The following PCDH15 variants were observed in gnomAD, a reference collection of about 807,000 sequenced individuals.
PCDH15 encodes protocadherin related 15, also known as protocadherin-15.
PCDH15 carries 129 observed loss-of-function variants against 178.5 expected under a neutral mutation model. That is an observed-to-expected ratio of 0.72 (90% CI 0.63 to 0.84). PCDH15 has a LOEUF of 0.84. Ranked by LOEUF, PCDH15 falls within the 40% of genes least tolerant of loss-of-function variation. PCDH15 has a pLI of 0.00. For missense variants in PCDH15, 2,230 were observed against 2,099.9 expected, an observed-to-expected ratio of 1.06 and a Z score of -1.21; for synonymous variants, 800 against 732.0, an observed-to-expected ratio of 1.09 and a Z score of -1.50.
chr10:54,260,896 G>C (rs2057270767), intron 8 of PCDH15, among the ~76,000 whole-genome samples: 2 of 152,184 alleles, frequency 1.3e-5, no homozygotes, highest in Non-Finnish European at 2.9e-5. Context: ...GCCTCCCAAA[G>C]TGTGGGGATT....
At chr10:54,752,402 G>T (rs904063709) in intron 1 of PCDH15, among the ~76,000 whole-genome samples, 1 of 150,714 alleles carries the variant, frequency 6.6e-6, no homozygotes, top group South Asian at 2.1e-4. Flanking sequence ...GCGTGAACCC[G>T]GGAGGCAGAG....
rs559130985 is a variant in PCDH15 at position 53,827,437 on chromosome 10, A to AGGC, written c.4320_4322dup (p.Pro1443dup). ...CTTCATAGAGATGCGCACCTGGCGG[A>AGGC]GGCGGCGGCGGCGGCGGGGGCGCTG... On this transcript the variant is annotated inframe_insertion, in exon 32 of 38. Transcript: ENST00000644397. 3.9e-4 allele frequency: 628 copies of AGGC among 1,612,686 alleles called. 2 individuals carry two copies. Among genetic ancestry groups the AGGC allele is most frequent in the South Asian group, 1.3e-3 (119 of 90,948 alleles).
chr10:55,006,954 C>T (rs888371905), intron 2 of PCDH15, among the ~76,000 whole-genome samples: 3 of 152,086 alleles, frequency 2.0e-5, no homozygotes, highest in South Asian at 4.1e-4. Context: ...TCCTTCATGG[C>T]TTAGTGCTGT....
At chr10:54,281,850 A>G (rs956971217) in intron 8 of PCDH15, among the ~76,000 whole-genome samples, 1 of 152,088 alleles carries the variant, frequency 6.6e-6, no homozygotes, top group Admixed American at 6.6e-5. Context: ...GTACATAACT[A>G]TCAGGCTGTT....
intron 1 of PCDH15, among the ~76,000 whole-genome samples, chr10:55,199,867 G>A (rs1256287496): frequency 1.3e-5 from 2 of 152,064 alleles, no homozygotes; most frequent in Non-Finnish European, 2.9e-5. Context: ...CATGGTGTTG[G>A]GCCTTCGGGT....
intron 2 of PCDH15, among the ~76,000 whole-genome samples, chr10:55,094,516 A>T (rs1344941695): frequency 2.0e-5 from 3 of 152,096 alleles, no homozygotes; most frequent in East Asian, 1.9e-4. Context: ...TGTTATGCAC[A>T]TGTACCCTAG....
intron 8 of PCDH15, among the ~76,000 whole-genome samples, chr10:54,256,480 G>A (rs72799030): frequency 6.6e-6 from 1 of 152,232 alleles, no homozygotes; most frequent in Non-Finnish European, 1.5e-5. Flanking sequence ...TGGTTCTGTA[G>A]GTTTAATTTT....
At chr10:54,372,828 G>A (rs1156560647) in intron 4 of PCDH15, among the ~76,000 whole-genome samples, 2 of 151,752 alleles carry the variant, frequency 1.3e-5, no homozygotes, top group East Asian at 3.9e-4. Context: ...AAAAATGAGT[G>A]CTTAACACAA....
At chr10:54,247,867 C>CAAAA (rs570243081) in intron 8 of PCDH15, among the ~76,000 whole-genome samples, 252 of 122,070 alleles carry the variant, frequency 2.1e-3, no homozygotes, top group African/African-American at 6.6e-3. Flanking sequence ...GACTCTTTCT[C>CAAAA]AAAAAAAAAA....
At chr10:54,664,087 A>T in intron 2 of PCDH15, 85 bp downstream of exon 2, 1 of 986,812 alleles carries the variant, frequency 1.0e-6, no homozygotes, top group Non-Finnish European at 1.6e-6. Flanking sequence ...ACTACAAATT[A>T]GCATTATTCA....
At chr10:55,519,104 A>C (rs936298991) in intron 2 of PCDH15, among the ~76,000 whole-genome samples, 31 of 150,632 alleles carry the variant, frequency 2.1e-4, no homozygotes, top group African/African-American at 6.6e-4. Context: ...AAAAAAAAAA[A>C]AAAAAAAAAA....
At chr10:54,844,801 T>C (rs1456930489) in intron 3 of PCDH15, among the ~76,000 whole-genome samples, 1 of 151,990 alleles carries the variant, frequency 6.6e-6, no homozygotes, top group Non-Finnish European at 1.5e-5. Flanking sequence ...ATTTCCACTA[T>C]GAATTTGATG....
chr10:53,907,878 A>G (rs2082789556), intron 25 of PCDH15, among the ~76,000 whole-genome samples: 1 of 152,130 alleles, frequency 6.6e-6, no homozygotes, highest in Non-Finnish European at 1.5e-5. Context: ...ATTAACCTCA[A>G]CTTGACTCTA....
rs550364392 is a variant in PCDH15 at position 55,599,559 on chromosome 10, A to C, written c.-156+28066T>G. ...TTGGACTAATCTATTATTCAGTAGA[A>C]GCAATAATGTTAGTGTAAGTAACAT... On this transcript the variant is annotated intron_variant, in intron 2 of 5. Coordinates refer to the PCDH15 transcript ENST00000613346. 7 of 158,332 alleles carry C rather than the reference A, an allele frequency of 4.4e-5. No individual in the cohort carries two copies. In the South Asian group the frequency reaches 1.4e-3, roughly 32 times the overall value. 9.8% of individuals were successfully genotyped at this position (158,332 alleles called of 1,614,324 possible). A position where few individuals can be genotyped will look rare whatever the true frequency, so the allele number is the denominator to read the frequency against.
chr10:55,111,834 C>T (rs185175615), intron 2 of PCDH15, among the ~76,000 whole-genome samples: 145 of 152,204 alleles, frequency 9.5e-4, no homozygotes, highest in South Asian at 1.9e-3. Context: ...GCCTGGGCAA[C>T]AAGAGTGAAA....
chr10:55,330,838 ATGTG>A lies in PCDH15; in HGVS notation c.-155-164191_-155-164188del, dbSNP rs71461291. ...CTCTCTTAAATAGATAGATTTATTT[ATGTG>A]TGTGTGTGTGTGTGTGTGTGTGTGT... is the stretch of plus-strand genomic sequence containing the variant. On this transcript the variant is annotated intron_variant, in intron 2 of 5. Transcript: ENST00000613346. Among the ~76,000 whole-genome samples, 137 of 144,706 alleles carry A rather than the reference ATGTG, an allele frequency of 9.5e-4. 3 individuals are homozygous for A. The highest frequency in any genetic ancestry group is 2.6e-3 in the African/African-American group (104 of 39,724). The allele number at this position is 144,706 out of a possible 152,430, so 94.9% of individuals were successfully genotyped here.
chr10:54,049,009 T>C (rs1389622335), intron 18 of PCDH15, among the ~76,000 whole-genome samples: 1 of 151,980 alleles, frequency 6.6e-6, no homozygotes. Context: ...GAGCATAGAA[T>C]GCTTTTCCAT....
intron 8 of PCDH15, among the ~76,000 whole-genome samples, chr10:54,280,771 C>G (rs879461030): frequency 1.3e-5 from 2 of 151,144 alleles, no homozygotes; most frequent in African/African-American, 2.5e-5. Context: ...ATCTTGCAAG[C>G]CAGTATTTTA....
intron 5 of PCDH15, among the ~76,000 whole-genome samples, chr10:54,348,847 G>A (rs1943734268): frequency 6.6e-6 from 1 of 152,056 alleles, no homozygotes; most frequent in African/African-American, 2.4e-5. Flanking sequence ...CCAGCCCCTA[G>A]TAACCACTCT....
Sources: gnomAD v4.1 joint callset for allele counts (sites outside exome capture counted in the v4.1 genomes callset) on GRCh38, gnomAD v4.1.1 for gene constraint, MANE v1.5 for transcripts, NCBI Gene and HGNC (gene_info 2026-07-23, HGNC 2026-07-21) for gene names.